The following ATR variants were observed in gnomAD, a reference collection of about 807,000 sequenced individuals.
The protein encoded by ATR is ATR checkpoint kinase.
Under a neutral mutation model 305.3 loss-of-function variants are expected in ATR, and 142 were observed. The observed-to-expected ratio is 0.47, with a 90% CI of 0.41 to 0.53. ATR has a LOEUF of 0.53. Among genes scored for constraint, ATR ranks in the 20% least tolerant of loss-of-function variants. The pLI, the probability that ATR is intolerant of heterozygous loss-of-function variation, is 0.00. For missense variants in ATR, 2,135 were observed against 3,133.1 expected, an observed-to-expected ratio of 0.68 and a Z score of 7.60; for synonymous variants, 1,050 against 1,068.1, an observed-to-expected ratio of 0.98 and a Z score of 0.33.
intron 28 of ATR, among the ~76,000 whole-genome samples, 176 bp downstream of exon 28, chr3:142,507,755 G>A (rs1037074880): frequency 9.2e-5 from 14 of 152,030 alleles, no homozygotes; most frequent in Non-Finnish European, 1.6e-4. Flanking sequence ...TCCTTCCTCA[G>A]GGTACATGTG....
At position 142,485,171 on chromosome 3, in the gene ATR, G is replaced by C. The variant is rs2108310985; in HGVS notation, c.6190C>G (p.Leu2064Val). Residue 2064 changes from leucine (L) to valine (V), a missense_variant, in exon 36 of 47, where the codon CTC becomes GTC. Leu to Val is a conservative substitution (Grantham distance 32). Transcript: ENST00000350721. ...AAATGAAGAACTATATACCGGATGA[G>C]ATCACCTTGCTTTTCCATTTTGTTG... ...TDNKMEKQGD[L>V]IRYIVLHFGR... The C allele has an allele frequency of 6.2e-7, 1 of 1,614,118 alleles. No homozygotes were observed. Among genetic ancestry groups the C allele is most frequent in the Non-Finnish European group, 8.5e-7 (1 of 1,180,024 alleles).
chr3:142,569,870 C>T (rs1250184000), intron 1 of ATR, among the ~76,000 whole-genome samples: 1 of 152,070 alleles, frequency 6.6e-6, no homozygotes, highest in Non-Finnish European at 1.5e-5. Context: ...TGGTCTCAAT[C>T]TCCTGACCTC....
intron 45 of ATR, among the ~76,000 whole-genome samples, chr3:142,456,448 T>C (rs1379661967): frequency 6.6e-6 from 1 of 151,996 alleles, no homozygotes; most frequent in African/African-American, 2.4e-5. Context: ...CATGCACACA[T>C]GCTGTCCCAG....
At position 142,496,294 on chromosome 3, in the gene ATR, A is replaced by ATC. The variant is rs1229023625; in HGVS notation, c.5898+66_5898+67insGA. On this transcript the variant is annotated intron_variant, in intron 34 of 46. Transcript: ENST00000350721. ...AATTCCCGACTATATATATATATAT[A>ATC]TATATATATATATATATATATATAT... The ATC allele has an allele frequency of 2.2e-4, 13 of 59,958 alleles. No individual in the cohort carries two copies. In the African/African-American group the frequency reaches 3.1e-3, roughly 14 times the overall value. 3.7% of individuals were successfully genotyped at this position (59,958 alleles called of 1,614,324 possible).
At chr3:142,557,987 T>A (rs1008690662) in intron 8 of ATR, among the ~76,000 whole-genome samples, 2 of 152,198 alleles carry the variant, frequency 1.3e-5, no homozygotes, top group African/African-American at 4.8e-5. Flanking sequence ...TGGTATATTG[T>A]TCTTCTTTTT....
chr3:142,460,774 A>C (rs1161364131), intron 42 of ATR, among the ~76,000 whole-genome samples: 1 of 152,162 alleles, frequency 6.6e-6, no homozygotes, highest in East Asian at 1.9e-4. Flanking sequence ...ACACCATATG[A>C]ACTTTAAAAA....
chr3:142,475,053 T>C (rs2071400858), intron 36 of ATR, among the ~76,000 whole-genome samples: 1 of 152,164 alleles, frequency 6.6e-6, no homozygotes, highest in South Asian at 2.1e-4. Flanking sequence ...TGGATGTTCA[T>C]TCTATTATTA....
chr3:142,467,792 T>C (rs1251678964), intron 39 of ATR, 142 bp downstream of exon 39: 11 of 943,422 alleles, frequency 1.2e-5, no homozygotes, highest in Admixed American at 1.0e-4. Context: ...AGACAAATCA[T>C]ACATAATTAA....
At chr3:142,454,344 CTG>C (rs1262895184) in intron 45 of ATR, among the ~76,000 whole-genome samples, 1 of 151,834 alleles carries the variant, frequency 6.6e-6, no homozygotes, top group Non-Finnish European at 1.5e-5. Flanking sequence ...CTCTTGGTAA[CTG>C]TTCCACATGA....
chr3:142,574,696 GGACA>G (rs2035381793), intron 1 of ATR, among the ~76,000 whole-genome samples: 1 of 152,154 alleles, frequency 6.6e-6, no homozygotes, highest in African/African-American at 2.4e-5. Context: ...GCAGATTAAA[GGACA>G]AACAAGAGGT....
At chr3:142,542,034 G>T (rs527890453) in intron 17 of ATR, among the ~76,000 whole-genome samples, 1 of 152,088 alleles carries the variant, frequency 6.6e-6, no homozygotes, top group Non-Finnish European at 1.5e-5. Flanking sequence ...TTTATAGGAC[G>T]AAAATTTCCA....
chr3:142,571,083 A>T (rs62276448), intron 1 of ATR, among the ~76,000 whole-genome samples: 1 of 152,098 alleles, frequency 6.6e-6, no homozygotes, highest in African/African-American at 2.4e-5. Flanking sequence ...AGACGCAAAT[A>T]ATTTAATAAA....
chr3:142,542,635 T>C (rs754044615), intron 17 of ATR, 30 bp downstream of exon 17: 1 of 1,544,050 alleles, frequency 6.5e-7, no homozygotes, highest in Admixed American at 1.7e-5. Context: ...ATGAATTCTA[T>C]CTTAGCACTC....
chr3:142,506,687 A>AAAAT lies in ATR; in HGVS notation c.5031+1240_5031+1243dup, dbSNP rs562691938. Among the ~76,000 whole-genome samples, 61 of 152,294 alleles carry AAAAT rather than the reference A, an allele frequency of 4.0e-4. 1 individual carries two copies. Among genetic ancestry groups the AAAAT allele is most frequent in the African/African-American group, 9.1e-4 (38 of 41,564 alleles). ...AGGTGATAGAGCAAGACCCTATCTC[A>AAAAT]AAATAAATAAATAAATAAAATAACA... On this transcript the variant is annotated intron_variant, in intron 28 of 46. Transcript: ENST00000350721.
At chr3:142,489,192 G>C (rs904327317) in intron 35 of ATR, among the ~76,000 whole-genome samples, 1 of 152,018 alleles carries the variant, frequency 6.6e-6, no homozygotes, top group Non-Finnish European at 1.5e-5. Flanking sequence ...AAATTAGCTG[G>C]GTGTGGTGGC....
intron 1 of ATR, among the ~76,000 whole-genome samples, chr3:142,573,203 T>G (rs1184940754): frequency 2.0e-5 from 3 of 152,070 alleles, no homozygotes; most frequent in Non-Finnish European, 4.4e-5. Context: ...CACAGCACTT[T>G]GGGAGGCTGA....
At chr3:142,559,470 T>C (rs1262539152) in intron 6 of ATR, 29 bp from the exon 7 acceptor site, 3 of 1,601,768 alleles carry the variant, frequency 1.9e-6, no homozygotes, top group South Asian at 2.2e-5. Flanking sequence ...GTTAAAAACA[T>C]TGGAATTAAG....
intron 14 of ATR, among the ~76,000 whole-genome samples, chr3:142,549,922 T>A (rs970965396): frequency 2.6e-5 from 4 of 152,194 alleles, no homozygotes; most frequent in African/African-American, 9.7e-5. Flanking sequence ...ACCAAAGACA[T>A]AAGGGCTCAA....
In ATR at chr3:142,574,611, C is replaced by T. The variant is rs117974309; in HGVS notation, c.59+4035G>A. ...GTATTAATGTAAGTATTATATAAAG[C>T]TTAGGCACCTCCTCTGAGGTAAGCA... is the stretch of plus-strand genomic sequence containing the variant. On this transcript the variant is annotated intron_variant, in intron 1 of 46. Transcript: ENST00000350721. Among the ~76,000 whole-genome samples the T allele has an allele frequency of 6.8e-3, 1,035 of 152,200 alleles. 17 individuals are homozygous for T. The highest frequency in any genetic ancestry group is 0.046 in the Admixed American group (699 of 15,288).
Sources: allele counts gnomAD v4.1 joint callset (sites outside exome capture counted in the v4.1 genomes callset), GRCh38; gene constraint gnomAD v4.1.1; transcripts MANE v1.5; gene names NCBI Gene and HGNC (gene_info 2026-07-23, HGNC 2026-07-21).